CNTN5: variants seen among roughly 807,000 people sequenced by gnomAD.
The protein encoded by CNTN5 is contactin 5, also known as contactin-5.
In CNTN5, 77 loss-of-function variants were observed where a neutral mutation model predicts 129.1. That is an observed-to-expected ratio of 0.60 (90% CI 0.50 to 0.72). The LOEUF is 0.72. Ranked by LOEUF, CNTN5 falls within the 30% of genes least tolerant of loss-of-function variation. The pLI is 0.00. For missense variants in CNTN5, 1,478 were observed against 1,328.8 expected, an observed-to-expected ratio of 1.11 and a Z score of -1.75; for synonymous variants, 509 against 465.6, an observed-to-expected ratio of 1.09 and a Z score of -1.20.
chr11:99,614,843 A>G (rs1418890970), intron 3 of CNTN5, among the ~76,000 whole-genome samples: 6 of 152,030 alleles, frequency 3.9e-5, no homozygotes, highest in Non-Finnish European at 7.4e-5. Context: ...AGCACAACCT[A>G]TAAAGAAGTA....
chr11:99,640,782 T>C (rs1246807158), intron 3 of CNTN5, among the ~76,000 whole-genome samples: 1 of 152,214 alleles, frequency 6.6e-6, no homozygotes, highest in Non-Finnish European at 1.5e-5. Flanking sequence ...TATACTCTGA[T>C]ATTTGCACAA....
intron 10 of CNTN5, among the ~76,000 whole-genome samples, chr11:100,062,721 G>T (rs80151039): frequency 0.043 from 6,618 of 152,254 alleles, 169 homozygotes; most frequent in African/African-American, 0.072. Flanking sequence ...GGAAGAAAAG[G>T]ACATAGACAT....
At chr11:99,156,477 A>T (rs946576890) in intron 1 of CNTN5, among the ~76,000 whole-genome samples, 11 of 152,078 alleles carry the variant, frequency 7.2e-5, no homozygotes, top group African/African-American at 1.9e-4. Context: ...TTTATAAATA[A>T]AGCCTTTTTA....
intron 1 of CNTN5, among the ~76,000 whole-genome samples, chr11:99,075,379 T>C (rs1054269422): frequency 2.6e-5 from 4 of 152,196 alleles, no homozygotes; most frequent in African/African-American, 9.6e-5. Context: ...ACTGAACAAT[T>C]GATTAAAATA....
intron 9 of CNTN5, chr11:100,003,981 A>G (rs544984648): frequency 6.6e-6 from 1 of 152,344 alleles, no homozygotes; most frequent in African/African-American, 2.4e-5. Flanking sequence ...GATCAAAGAA[A>G]TAACATCTTG....
intron 1 of CNTN5, among the ~76,000 whole-genome samples, chr11:99,323,509 G>T (rs1865656164): frequency 6.6e-6 from 1 of 151,972 alleles, no homozygotes; most frequent in Non-Finnish European, 1.5e-5. Context: ...CTTCTTATTT[G>T]CTCAATATGT....
intron 2 of CNTN5, among the ~76,000 whole-genome samples, chr11:99,384,280 A>G (rs536716701): frequency 3.2e-4 from 48 of 152,192 alleles, no homozygotes; most frequent in Non-Finnish European, 4.7e-4. Flanking sequence ...TCCTGTAAAT[A>G]ATGCATCCCT....
At chr11:99,542,366 ACTT>A (rs1948147382) in intron 2 of CNTN5, among the ~76,000 whole-genome samples, 1 of 152,086 alleles carries the variant, frequency 6.6e-6, no homozygotes, top group Non-Finnish European at 1.5e-5. Flanking sequence ...TCTGTTCACT[ACTT>A]CTATGATTTT....
At chr11:99,524,621 G>T (rs1947415295) in intron 2 of CNTN5, among the ~76,000 whole-genome samples, 1 of 151,994 alleles carries the variant, frequency 6.6e-6, no homozygotes, top group South Asian at 2.1e-4. Context: ...AAACCAGCCT[G>T]TCCTACATGG....
chr11:100,235,827 A>G (rs1949602369), intron 16 of CNTN5, among the ~76,000 whole-genome samples: 1 of 152,122 alleles, frequency 6.6e-6, no homozygotes, highest in East Asian at 1.9e-4. Context: ...GGTACCAATT[A>G]CTTACTGCCC....
intron 3 of CNTN5, among the ~76,000 whole-genome samples, chr11:99,636,741 G>A (rs967360422): frequency 8.6e-5 from 13 of 150,560 alleles, no homozygotes; most frequent in African/African-American, 2.4e-4. Context: ...TCAGCTGGGC[G>A]CGGTGGCTCA....
chr11:99,845,608 G>A (rs1947666592), intron 6 of CNTN5, among the ~76,000 whole-genome samples: 1 of 151,870 alleles, frequency 6.6e-6, no homozygotes, highest in African/African-American at 2.4e-5. Context: ...TCCTGACCTC[G>A]TGATCCGCCC....
intron 9 of CNTN5, among the ~76,000 whole-genome samples, chr11:100,050,364 C>T (rs1413740261): frequency 1.3e-5 from 2 of 151,970 alleles, no homozygotes; most frequent in Non-Finnish European, 2.9e-5. Context: ...TCTCAATAAA[C>T]TATCACAAGA....
rs192790775 is a variant in CNTN5, at chr11:99,769,490, C to T, written c.56-50054C>T. On this transcript the variant is annotated intron_variant, in intron 3 of 24. Coordinates refer to ENST00000524871, the MANE Select transcript of CNTN5 (RefSeq NM_014361.4). ...TCTCTCACTCTATAACTTGATCTCC[C>T]ATTTCCTGTAATGAGAATCATGACT... Among the ~76,000 whole-genome samples, 8 of 152,152 alleles carry T rather than the reference C, an allele frequency of 5.3e-5. No homozygotes were observed. The South Asian group carries it at 1.2e-3, about 24-fold the overall frequency.
At chr11:100,227,982 G>A (rs1190136031) in intron 16 of CNTN5, among the ~76,000 whole-genome samples, 1 of 152,024 alleles carries the variant, frequency 6.6e-6, no homozygotes, top group Non-Finnish European at 1.5e-5. Context: ...TTAGTTTTTT[G>A]TTATTTTATT....
intron 3 of CNTN5, among the ~76,000 whole-genome samples, chr11:99,816,099 A>G (rs2135538225): frequency 6.6e-6 from 1 of 152,308 alleles, no homozygotes; most frequent in African/African-American, 2.4e-5. Flanking sequence ...TAGCTAGAGA[A>G]CACTGATCTT....
chr11:99,920,058 T>TCATGG (rs1168775083), intron 7 of CNTN5, among the ~76,000 whole-genome samples: 3 of 152,132 alleles, frequency 2.0e-5, no homozygotes, highest in Non-Finnish European at 4.4e-5. Context: ...TTCATCTGTA[T>TCATGG]CATGGCATGT....
At chr11:99,115,214 G>T (rs1030749857) in intron 1 of CNTN5, among the ~76,000 whole-genome samples, 1 of 152,118 alleles carries the variant, frequency 6.6e-6, no homozygotes, top group African/African-American at 2.4e-5. Flanking sequence ...ACCGGGGCTA[G>T]GTTCTGGCTT....
intron 13 of CNTN5, among the ~76,000 whole-genome samples, chr11:100,077,402 A>G (rs17696592): frequency 0.13 from 19,612 of 152,198 alleles, 1,316 homozygotes; most frequent in East Asian, 0.19. Context: ...TTGTCCTTCA[A>G]TAAAAATTTT....
Sources: allele counts gnomAD v4.1 joint callset (sites outside exome capture counted in the v4.1 genomes callset), GRCh38; gene constraint gnomAD v4.1.1; transcripts MANE v1.5; gene names NCBI Gene and HGNC (gene_info 2026-07-23, HGNC 2026-07-21).